The following OPLAH variants were observed in gnomAD, a reference collection of about 807,000 sequenced individuals.
The protein encoded by OPLAH is 5-oxoprolinase.
In OPLAH, 103 loss-of-function variants were observed where a neutral mutation model predicts 122.8. The ratio of observed to expected loss-of-function variants is 0.84; its 90% CI spans 0.71 to 0.99. The LOEUF is 0.99. Among genes scored for constraint, OPLAH ranks in the 50% least tolerant of loss-of-function variants. The probability of loss-of-function intolerance (pLI) is 0.00; values close to 1 mark genes in which losing one functional copy is unlikely to be tolerated. For missense variants in OPLAH, 1,902 were observed against 1,836.5 expected (o/e 1.04, Z -0.65); for synonymous variants, 875 against 796.0 (o/e 1.10, Z -1.67).
chr8:144,055,867 G>A lies in OPLAH; in HGVS notation c.2169C>T (p.Ala723=), dbSNP rs782379470. ...GGGGGCCCACTGTGCCGGGGACTTC[G>A]GCCCCCACGGAGATGCAGATGTCCC... The part of the protein sequence containing the change: ...KTGDICISVG[A]EVPGTVGPQL... Residue 723 remains alanine, a synonymous_variant, in exon 16 of 27, where the codon GCC becomes GCT. Coordinates refer to ENST00000618853, the MANE Select transcript of OPLAH (RefSeq NM_017570.5). The surrounding 1 kb of genome is among the most constrained non-coding windows in gnomAD (Gnocchi z 6.5). 7.0e-6 allele frequency: 11 copies of A among 1,580,894 alleles called. No individual in the cohort carries two copies. Among genetic ancestry groups the A allele is most frequent in the East Asian group, 2.3e-5 (1 of 43,052 alleles).
chr8:144,052,545 C>T lies in OPLAH; in HGVS notation c.3207G>A (p.Pro1069=). 6.3e-7 allele frequency: 1 copy of T among 1,595,460 alleles called. No homozygotes were observed. Among genetic ancestry groups the T allele is most frequent in the Non-Finnish European group, 8.5e-7 (1 of 1,177,008 alleles). ...VVIPRGSILD[P]SPEAAVVGGN... Reference sequence around the variant, plus strand: ...CGCCCACCACCGCCGCCTCGGGCGACGGGTCCAGGATGGAGCCTCGGGGAA... The same window carrying T: ...CGCCCACCACCGCCGCCTCGGGCGATGGGTCCAGGATGGAGCCTCGGGGAA... Residue 1069 remains proline, a synonymous_variant, in exon 23 of 27, where the codon CCG becomes CCA. Coordinates refer to ENST00000618853, the MANE Select transcript of OPLAH (RefSeq NM_017570.5).
chr8:144,055,605 G>A lies in OPLAH; in HGVS notation c.2248+183C>T, dbSNP rs782450013. Among the ~76,000 whole-genome samples, 75 of 152,230 alleles carry A rather than the reference G, an allele frequency of 4.9e-4. No homozygotes were observed. Among genetic ancestry groups the A allele is most frequent in the Non-Finnish European group, 9.1e-4 (62 of 67,992 alleles). On this transcript the variant is annotated intron_variant, in intron 16 of 26. Transcript: ENST00000618853. The surrounding 1 kb of genome is among the most constrained non-coding windows in gnomAD (Gnocchi z 6.5). ...ACATGGCTGCAGGTAAGGGGGGAAGGTGTCCTCCCTGCCCAAGGTTTGTTC... is the reference window on the plus strand; with the variant it reads ...ACATGGCTGCAGGTAAGGGGGGAAGATGTCCTCCCTGCCCAAGGTTTGTTC...
chr8:144,062,870 A>G (rs1554761114), upstream of OPLAH, among the ~76,000 whole-genome samples: 3 of 149,202 alleles, frequency 2.0e-5, no homozygotes, highest in Non-Finnish European at 4.4e-5. Context: ...ACTGCCGTGC[A>G]CCTCCAGGTG....
In OPLAH at chr8:144,056,935, C is replaced by T. The variant is rs781876106; in HGVS notation, c.1706+13G>A. ...AACGTAAGCCCTCTGTCCAGGGCAC[C>T]CTGGGAGCCCACCTGGGGAAGCCCT... is the stretch of plus-strand genomic sequence containing the variant. On this transcript the variant is annotated intron_variant, in intron 12 of 26. Coordinates refer to ENST00000618853, the MANE Select transcript of OPLAH (RefSeq NM_017570.5). 20 of 1,563,254 alleles carry T rather than the reference C, an allele frequency of 1.3e-5. No individual in the cohort carries two copies. The highest frequency in any genetic ancestry group is 1.9e-5 in the Admixed American group (1 of 53,266).
At chr8:144,056,570 A>G (rs1564291078) in intron 13 of OPLAH, 47 bp from the exon 14 acceptor site, 1 of 1,612,328 alleles carries the variant, frequency 6.2e-7, no homozygotes, top group Non-Finnish European at 8.5e-7. Context: ...TGAGGCGGCC[A>G]GACAGGAGGG....
Position 144,056,412 on chromosome 8 carries a change from G to C in OPLAH, c.1956C>G (p.Ala652=). The C allele has an allele frequency of 6.2e-7, 1 of 1,608,232 alleles. No individual in the cohort carries two copies. Residue 652 remains alanine (A), a synonymous_variant, in exon 14 of 27, where the codon GCC becomes GCG. Coordinates refer to ENST00000618853, the MANE Select transcript of OPLAH (RefSeq NM_017570.5). Reference sequence around the variant, plus strand: ...TGTCCACCCGGGGAGGCCCGGTCTGGGCTTTGGGGGCATCCTCGAGGCGAA... The same window carrying C: ...TGTCCACCCGGGGAGGCCCGGTCTGCGCTTTGGGGGCATCCTCGAGGCGAA... ...SGLRLEDAPK[A]QTGPPRVDKM... is the part of the protein sequence containing the mutation.
At position 144,056,478 on chromosome 8, in the gene OPLAH, G is replaced by T; in HGVS notation, c.1890C>A (p.Val630=). 1 of 1,611,702 alleles carries T rather than the reference G, an allele frequency of 6.2e-7. No homozygotes were observed. ...FGFVIPERPV[V]VDDVRVRGTG... ...TGCCCCGCACTCGCACATCGTCCAC[G>T]ACCACCGGCCGCTCAGGTATGACAA... is the stretch of plus-strand genomic sequence containing the variant. Residue 630 remains valine (V), a synonymous_variant, in exon 14 of 27, where the codon GTC becomes GTA. Coordinates refer to ENST00000618853, the MANE Select transcript of OPLAH (RefSeq NM_017570.5).
At position 144,057,254 on chromosome 8, in the gene OPLAH, A is replaced by T; in HGVS notation, c.1489T>A (p.Cys497Ser). 1 of 1,612,412 alleles carries T rather than the reference A, an allele frequency of 6.2e-7. No homozygotes were observed. Among genetic ancestry groups the T allele is most frequent in the East Asian group, 2.2e-5 (1 of 44,876 alleles). ...CFGGAGGQHA[C>S]AIARALGMDT... ...ATGCCCAGGGCCCGGGCGATGGCAC[A>T]TGCATGCTGCCCACCAGCTCCCCCA... Residue 497 changes from cysteine to serine, a missense_variant, in exon 11 of 27, where the codon TGT becomes AGT. Coordinates refer to ENST00000618853, the MANE Select transcript of OPLAH (RefSeq NM_017570.5).
chr8:144,050,783 C>T (rs1330616739), downstream of OPLAH: 9 of 986,574 alleles, frequency 9.1e-6, no homozygotes, highest in Non-Finnish European at 1.1e-5. Context: ...CGCCCTCCCC[C>T]GGATCCCCCA....
Position 144,058,838 on chromosome 8 carries a change from C to T in OPLAH, c.522G>A (p.Gly174=). 6.3e-7 allele frequency: 1 copy of T among 1,584,584 alleles called. No individual in the cohort carries two copies. Among genetic ancestry groups the T allele is most frequent in the Non-Finnish European group, 8.6e-7 (1 of 1,166,388 alleles). Residue 174 remains glycine, a synonymous_variant, in exon 5 of 27, where the codon GGG becomes GGA. Transcript: ENST00000618853. ...QQPVDLGALR[G]KLEGLLSRGI... ...CTCGAGATAGCAGCCCCTCCAGCTT[C>T]CCACGCAGGGCCCCCAGGTCCACAG...
At position 144,056,264 on chromosome 8, in the gene OPLAH, A is replaced by T; in HGVS notation, c.1984-5T>A. 2.5e-6 allele frequency: 4 copies of T among 1,610,324 alleles called. No individual in the cohort carries two copies. In the South Asian group the frequency reaches 4.4e-5, roughly 18 times the overall value. The stretch of plus-strand genomic sequence containing the variant: ...CTCAAAGTAGCACTGGGTCATCTGC[A>T]GAGGGTGCGGGTGAGTACAGCGCCC... On this transcript the variant is annotated splice_region_variant and splice_polypyrimidine_tract_variant and intron_variant, in intron 14 of 26. Coordinates refer to ENST00000618853, the MANE Select transcript of OPLAH (RefSeq NM_017570.5).
chr8:144,053,724 C>T (rs879967941), intron 19 of OPLAH, among the ~76,000 whole-genome samples: 2 of 152,038 alleles, frequency 1.3e-5, no homozygotes, highest in Admixed American at 1.3e-4. Context: ...TTACACCCAC[C>T]CTCTGCCACC....
chr8:144,055,643 G>A lies in OPLAH; in HGVS notation c.2248+145C>T. 2 of 1,012,310 alleles carry A rather than the reference G, an allele frequency of 2.0e-6. No homozygotes were observed. Among genetic ancestry groups the A allele is most frequent in the South Asian group, 1.9e-5 (1 of 52,374 alleles). The allele number at this position is 1,012,310 out of a possible 1,614,324, so 62.7% of individuals were successfully genotyped here. On this transcript the variant is annotated intron_variant, in intron 16 of 26. Transcript: ENST00000618853. This position sits in a 1 kb window ranked among gnomAD's most constrained non-coding sequence, Gnocchi z 6.5. ...CCAAGGTTTGTTCTCATGGCCAACTGCACCACACCAGTGCTGCGGCCACAC... is the reference window on the plus strand; with the variant it reads ...CCAAGGTTTGTTCTCATGGCCAACTACACCACACCAGTGCTGCGGCCACAC...
Position 144,058,889 on chromosome 8 carries a change from C to A in OPLAH, c.471G>T (p.Thr157=), listed in dbSNP as rs145079111. The A allele has an allele frequency of 1.9e-6, 3 of 1,550,164 alleles. No homozygotes were observed. Among genetic ancestry groups the A allele is most frequent in the Non-Finnish European group, 1.7e-6 (2 of 1,146,294 alleles). Residue 157 remains threonine, a synonymous_variant, in exon 5 of 27, where the codon ACG becomes ACT. Coordinates refer to ENST00000618853, the MANE Select transcript of OPLAH (RefSeq NM_017570.5). ...GCTGCTGCACTTCCAGCAGGTCCCC[C>A]GTGCGGCCTTCCAGAAAAGCCCAGG... ...AGTGTPVKGR[T]GDLLEVQQPV... is the part of the protein sequence containing the mutation.
intron 20 of OPLAH, 33 bp downstream of exon 20, chr8:144,053,176 C>A: frequency 6.2e-7 from 1 of 1,609,364 alleles, no homozygotes; most frequent in Non-Finnish European, 8.5e-7. Flanking sequence ...TGCAGGATGG[C>A]CCTGCCGCCC....
rs1835559249 is a variant in OPLAH at position 144,057,732 on chromosome 8, G to A, written c.1157-19C>T. The A allele has an allele frequency of 1.2e-6, 2 of 1,610,578 alleles. No homozygotes were observed. The highest frequency in any genetic ancestry group is 2.2e-5 in the East Asian group (1 of 44,824). On this transcript the variant is annotated intron_variant, in intron 9 of 26. Coordinates refer to ENST00000618853, the MANE Select transcript of OPLAH (RefSeq NM_017570.5). ...GGGCCCCCTGGGAGGTGGACAGGGT[G>A]TGGGGCTTGGGGGCTGGAGGCAGGG...
At position 144,053,018 on chromosome 8, in the gene OPLAH, G is replaced by C. The variant is rs1323955465; in HGVS notation, c.2983C>G (p.Pro995Ala). The C allele has an allele frequency of 6.2e-7, 1 of 1,603,574 alleles. No individual in the cohort carries two copies. Residue 995 changes from proline (P) to alanine (A), a missense_variant, in exon 21 of 27, where the codon CCC becomes GCC. Coordinates refer to ENST00000618853, the MANE Select transcript of OPLAH (RefSeq NM_017570.5). ...SSEDHMDDGS[P>A]IRLRVQISLS... ...CTGATCTGCACACGGAGGCGGATGG[G>C]GGAACCGTCGTCCATGTGGTCTTCC...
chr8:144,059,025 C>A lies in OPLAH; in HGVS notation c.418G>T (p.Val140Leu), dbSNP rs781848798. 1 of 1,588,558 alleles carries A rather than the reference C, an allele frequency of 6.3e-7. No homozygotes were observed. The highest frequency in any genetic ancestry group is 1.2e-5 in the South Asian group (1 of 86,914). Reference protein sequence around the residue: ...YEEVLEVDERVVLHRGEAGTG... With the variant: ...YEEVLEVDERLVLHRGEAGTG... Reference sequence around the variant, plus strand: ...CCCGCCTCTCCACGGTGCAGCACCACGCGTTCGTCCACCTCCAGCACCTCT... The same window carrying A: ...CCCGCCTCTCCACGGTGCAGCACCAAGCGTTCGTCCACCTCCAGCACCTCT... The change falls in exon 4 of 27, where the codon GTG becomes TTG. Residue 140 changes from valine (V) to leucine (L), a missense_variant. Physicochemically the swap from Val to Leu is conservative, Grantham distance 32 (BLOSUM62 1). This residue lies in a region of OPLAH where 1,726 missense variants were observed against 1,642.1 expected (regional missense o/e 1.05). Transcript: ENST00000618853.
At chr8:144,050,982 G>C (rs1835358964), downstream of OPLAH, 3 of 1,075,356 alleles carry the variant, frequency 2.8e-6, no homozygotes, top group South Asian at 3.7e-5. Context: ...CTACCTGGCC[G>C]GCCTTCCCGG....
Sources: gnomAD v4.1 joint callset for allele counts (sites outside exome capture counted in the v4.1 genomes callset) on GRCh38, gnomAD v4.1.1 for gene constraint, gnomAD v4.1.1 regional missense constraint, Gnocchi (gnomAD v3.1) non-coding constraint, MANE v1.5 for transcripts, NCBI Gene and HGNC (gene_info 2026-07-23, HGNC 2026-07-21) for gene names.